Variants in C2CD3 observed in about 807,000 individuals in gnomAD.
C2CD3 encodes C2 domain-containing protein 3.
In C2CD3, 148 loss-of-function variants were observed where a neutral mutation model predicts 234.0. The ratio of observed to expected loss-of-function variants is 0.63; its 90% confidence interval spans 0.55 to 0.72. The LOEUF is 0.72. Ranked by LOEUF, C2CD3 falls within the 30% of genes least tolerant of loss-of-function variation. The probability of loss-of-function intolerance (pLI) is 0.00; values close to 1 mark genes in which losing one functional copy is unlikely to be tolerated. For synonymous variants in C2CD3, 1,000 were observed against 1,035.4 expected (o/e 0.97, Z 0.66); for missense variants, 2,577 against 2,811.5 (o/e 0.92, Z 1.89).
intron 3 of C2CD3, among the ~76,000 whole-genome samples, chr11:74,144,216 T>A (rs1031073405): frequency 2.6e-5 from 4 of 152,186 alleles, no homozygotes; most frequent in Non-Finnish European, 1.5e-5. Flanking sequence ...CTTCTTATCA[T>A]ATCCAACTAA....
chr11:74,073,351 C>T (rs376902991), intron 24 of C2CD3, among the ~76,000 whole-genome samples: 8 of 152,090 alleles, frequency 5.3e-5, no homozygotes, highest in African/African-American at 1.7e-4. Flanking sequence ...CTTTGAGAGG[C>T]TGAGGTGGGT....
intron 3 of C2CD3, 50 bp downstream of exon 3, chr11:74,161,349 C>T: frequency 2.5e-6 from 3 of 1,180,250 alleles, no homozygotes; most frequent in Non-Finnish European, 3.6e-6. Flanking sequence ...TCAACTATTT[C>T]TGCCCAAAAA....
At chr11:74,021,821 G>A (rs1394492904) in intron 32 of C2CD3, among the ~76,000 whole-genome samples, 2 of 152,170 alleles carry the variant, frequency 1.3e-5, no homozygotes, top group Non-Finnish European at 2.9e-5. Context: ...GTATAAGTGA[G>A]ACTGGTTAGA....
intron 3 of C2CD3, among the ~76,000 whole-genome samples, chr11:74,142,703 G>A (rs4019299): frequency 0.28 from 42,976 of 151,856 alleles, 7,084 homozygotes; most frequent in African/African-American, 0.46. Context: ...GAACATTAGA[G>A]GCAGAGGGAA....
rs1253645693 is a variant in C2CD3 at position 74,074,601 on chromosome 11, C to A, written c.4604-1G>T. The A allele has an allele frequency of 1.9e-6, 3 of 1,606,448 alleles. No individual in the cohort carries two copies. In the Admixed American group the frequency reaches 5.1e-5, roughly 27 times the overall value. Reference sequence around the variant, plus strand: ...TTTCGTCCAAACAGAGGATACACACCTAAAAGAAGATGGAGAAGAATAAGG... The same window carrying A: ...TTTCGTCCAAACAGAGGATACACACATAAAAGAAGATGGAGAAGAATAAGG... On this transcript the variant is annotated splice_acceptor_variant, in intron 23 of 32. Transcript: ENST00000334126. LOFTEE classifies it high-confidence loss of function.
At chr11:74,169,721 C>T (rs1857037271) in intron 1 of C2CD3, among the ~76,000 whole-genome samples, 1 of 152,212 alleles carries the variant, frequency 6.6e-6, no homozygotes, top group African/African-American at 2.4e-5. Flanking sequence ...CGATTATCAA[C>T]CAAACATGCT....
At position 74,034,237 on chromosome 11, in the gene C2CD3, A is replaced by T. The variant is rs772407650; in HGVS notation, c.5923T>A (p.Ser1975Thr). ...ITRDSQAALS[S>T]HRARSRSNKA... ...TTGCTTCTACTCCTGGCTCGGTGAGAACTCAAAGCTGCTTGCGAATCCCTG... is the reference window on the plus strand; with the variant it reads ...TTGCTTCTACTCCTGGCTCGGTGAGTACTCAAAGCTGCTTGCGAATCCCTG... The change falls in exon 31 of 33, where the codon TCT becomes ACT. Residue 1975 changes from serine to threonine, a missense_variant. Physicochemically the swap from Ser to Thr is moderately conservative, Grantham distance 58. Coordinates refer to ENST00000334126, the MANE Select transcript of C2CD3 (RefSeq NM_001286577.2). 17 of 1,535,994 alleles carry T rather than the reference A, an allele frequency of 1.1e-5. No individual in the cohort carries two copies. The South Asian group carries it at 2.0e-4, about 18-fold the overall frequency.
At position 74,161,666 on chromosome 11, in the gene C2CD3, A is replaced by G. The variant is rs747934419; in HGVS notation, c.326-110T>C. On this transcript the variant is annotated intron_variant, in intron 2 of 32. Coordinates refer to ENST00000334126, the MANE Select transcript of C2CD3 (RefSeq NM_001286577.2). The stretch of plus-strand genomic sequence containing the variant: ...AAAGCTTTCTAACTTGAAAAAAAAT[A>G]TTTTATGTTGGATAACACCATTGCA... 108 of 609,612 alleles carry G rather than the reference A, an allele frequency of 1.8e-4. No individual in the cohort carries two copies. The Middle Eastern group carries it at 2.5e-3, about 14-fold the overall frequency. The allele number at this position is 609,612 out of a possible 1,614,324, so 37.8% of individuals were successfully genotyped here. A position where few individuals can be genotyped will look rare whatever the true frequency, so the allele number is the denominator to read the frequency against.
In C2CD3 at chr11:74,078,325, C is replaced by A. The variant is rs1366171662; in HGVS notation, c.4393G>T (p.Val1465Phe). 7.4e-6 allele frequency: 12 copies of A among 1,614,146 alleles called. No individual in the cohort carries two copies. Among genetic ancestry groups the A allele is most frequent in the Non-Finnish European group, 9.3e-6 (11 of 1,180,026 alleles). Residue 1465 changes from valine to phenylalanine, a missense_variant, in exon 23 of 33, where the codon GTC becomes TTC. Physicochemically the swap from Val to Phe is conservative, Grantham distance 50. Coordinates refer to ENST00000334126, the MANE Select transcript of C2CD3 (RefSeq NM_001286577.2). ...KESVNKKQIM[V>F]TFKASKRAEV... The stretch of plus-strand genomic sequence containing the variant: ...GCTCTTTTGGATGCCTTGAAAGTGA[C>A]CATAATCTGCTTTTTGTTTACAGAT...
In C2CD3 at chr11:74,093,295, T is replaced by G. The variant is rs1024244176; in HGVS notation, c.3344+521A>C. 2.7e-5 allele frequency among the ~76,000 whole-genome samples: 4 copies of G among 149,956 alleles called. No homozygotes were observed. In the East Asian group the frequency reaches 7.8e-4, roughly 29 times the overall value. ...ATCTTCCAATGTCTGTAACATTGAGTGGATTTATATTTTATAATATAAATC... is the reference window on the plus strand; with the variant it reads ...ATCTTCCAATGTCTGTAACATTGAGGGGATTTATATTTTATAATATAAATC... On this transcript the variant is annotated intron_variant, in intron 18 of 32. Coordinates refer to ENST00000334126, the MANE Select transcript of C2CD3 (RefSeq NM_001286577.2).
chr11:74,108,585 A>G (rs1775952541), intron 12 of C2CD3, among the ~76,000 whole-genome samples: 2 of 152,178 alleles, frequency 1.3e-5, no homozygotes, highest in Admixed American at 1.3e-4. Flanking sequence ...ACCTCAAATT[A>G]AGGCTAATAG....
Position 74,098,240 on chromosome 11 carries a change from A to C in C2CD3, c.2748T>G (p.Ser916=), listed in dbSNP as rs187837251. 2 of 1,614,136 alleles carry C rather than the reference A, an allele frequency of 1.2e-6. No homozygotes were observed. Among genetic ancestry groups the C allele is most frequent in the Admixed American group, 3.3e-5 (2 of 60,012 alleles). The change falls in exon 16 of 33, where the codon TCT becomes TCG. Residue 916 remains serine (S), a synonymous_variant. Transcript: ENST00000334126. ...GGTACTGGGCATCCAGCAGCAGGCG[A>C]GAAATCTTAGCATCTCTAGAGGGGG... ...FYMSFKDAKI[S]RLLLDAQYPV...
At chr11:74,158,731 A>G (rs1856221173) in intron 3 of C2CD3, among the ~76,000 whole-genome samples, 1 of 152,178 alleles carries the variant, frequency 6.6e-6, no homozygotes, top group African/African-American at 2.4e-5. Context: ...TCAAAAAAAA[A>G]AAGAAAGAAA....
At position 74,138,738 on chromosome 11, in the gene C2CD3, T is replaced by TA; in HGVS notation, c.936dup (p.Thr313TyrfsTer14). The TA allele has an allele frequency of 3.7e-6, 6 of 1,612,274 alleles. No individual in the cohort carries two copies. Among genetic ancestry groups the TA allele is most frequent in the Non-Finnish European group, 5.1e-6 (6 of 1,178,370 alleles). On this transcript the variant is annotated frameshift_variant, in exon 5 of 33. Coordinates refer to ENST00000334126, the MANE Select transcript of C2CD3 (RefSeq NM_001286577.2). LOFTEE classifies it high-confidence loss of function. ...TACATACCTGAAAGAAGATCCTTGG[T>TA]AGGGAGGTTGTTTGAAGAAAGAATG...
Position 74,170,982 on chromosome 11 carries a change from G to C in C2CD3, c.-190C>G, listed in dbSNP as rs1857178459. On this transcript the variant is annotated 5_prime_UTR_variant, in exon 1 of 33. Coordinates refer to ENST00000334126, the MANE Select transcript of C2CD3 (RefSeq NM_001286577.2). ...CGGTGCGAAGAGAAGGCGCCAAGAC[G>C]CCTTCCCTCCAATACACTACAATAC... 2 of 1,340,324 alleles carry C rather than the reference G, an allele frequency of 1.5e-6. No homozygotes were observed. Among genetic ancestry groups the C allele is most frequent in the Non-Finnish European group, 2.0e-6 (2 of 989,710 alleles). The allele number at this position is 1,340,324 out of a possible 1,614,324, so 83.0% of individuals were successfully genotyped here. A position where few individuals can be genotyped will look rare whatever the true frequency, so the allele number is the denominator to read the frequency against.
At chr11:74,121,604 G>A (rs1316189004) in intron 8 of C2CD3, among the ~76,000 whole-genome samples, 6 of 102,490 alleles carry the variant, frequency 5.9e-5, no homozygotes, top group Non-Finnish European at 7.4e-5. Context: ...GAGAGACTCC[G>A]TCTCAAAAAA....
At chr11:74,036,360 A>C in intron 30 of C2CD3, 1 of 444,974 alleles carries the variant, frequency 2.2e-6, no homozygotes, top group Admixed American at 2.4e-5. Flanking sequence ...TCTTCCTGGG[A>C]CAAATAACAG....
chr11:74,166,316 T>TA lies in C2CD3; in HGVS notation c.325+2027dup, dbSNP rs34997320. Among the ~76,000 whole-genome samples the TA allele has an allele frequency of 7.5e-3, 924 of 123,112 alleles. 3 individuals are homozygous for TA. The highest frequency in any genetic ancestry group is 0.015 in the East Asian group (66 of 4,392). The allele number at this position is 123,112 out of a possible 152,430, so 80.8% of individuals were successfully genotyped here. A position where few individuals can be genotyped will look rare whatever the true frequency, so the allele number is the denominator to read the frequency against. Reference sequence around the variant, plus strand: ...TGGGCAACAGAGTGAGACTCCGTCTTAAAAAAAAAAAAAAAAAAACCATGT... The same window carrying TA: ...TGGGCAACAGAGTGAGACTCCGTCTTAAAAAAAAAAAAAAAAAAAACCATGT... On this transcript the variant is annotated intron_variant, in intron 2 of 32. Coordinates refer to ENST00000334126, the MANE Select transcript of C2CD3 (RefSeq NM_001286577.2).
chr11:74,014,133 A>G (rs528025640), intron 32 of C2CD3, among the ~76,000 whole-genome samples: 60 of 152,300 alleles, frequency 3.9e-4, no homozygotes, highest in African/African-American at 1.4e-3. Flanking sequence ...CTATGGTATC[A>G]TGGTCCTCTG....
Sources: allele counts gnomAD v4.1 joint callset (sites outside exome capture counted in the v4.1 genomes callset), GRCh38; gene constraint gnomAD v4.1.1; transcripts MANE v1.5; gene names NCBI Gene and HGNC (gene_info 2026-07-23, HGNC 2026-07-21).